GRIK2: variants seen among roughly 807,000 people sequenced by gnomAD.
GRIK2 encodes the protein glutamate ionotropic receptor kainate type subunit 2.
Under a neutral mutation model 100.3 loss-of-function variants are expected in GRIK2, and 32 were observed. The ratio of observed to expected loss-of-function variants is 0.32; its 90% CI spans 0.24 to 0.43. GRIK2 has a LOEUF of 0.43. GRIK2 is among the 20% of genes least tolerant of loss of function. The pLI, the probability that GRIK2 is intolerant of heterozygous loss-of-function variation, is 1.00. For synonymous variants in GRIK2, 417 were observed against 389.4 expected, an observed-to-expected ratio of 1.07 and a Z score of -0.83; for missense variants, 843 against 1,114.9, an observed-to-expected ratio of 0.76 and a Z score of 3.47.
chr6:101,674,345 A>G (rs1451839739), intron 4 of GRIK2, among the ~76,000 whole-genome samples: 1 of 152,174 alleles, frequency 6.6e-6, no homozygotes, highest in African/African-American at 2.4e-5. Context: ...TTACTGCCAC[A>G]CCTTTCAAAG....
chr6:101,493,335 G>T (rs1473091689), intron 2 of GRIK2, among the ~76,000 whole-genome samples: 1 of 151,880 alleles, frequency 6.6e-6, no homozygotes, highest in Non-Finnish European at 1.5e-5. Context: ...GTATCAAGAA[G>T]TGACAAAAAA....
At chr6:101,423,601 G>C (rs777064886) in intron 2 of GRIK2, among the ~76,000 whole-genome samples, 1 of 152,048 alleles carries the variant, frequency 6.6e-6, no homozygotes, top group Non-Finnish European at 1.5e-5. Flanking sequence ...ATCTTCTTTG[G>C]TGAAATGTCT....
intron 12 of GRIK2, among the ~76,000 whole-genome samples, chr6:101,909,683 T>C (rs1407221177): frequency 6.6e-5 from 3 of 45,458 alleles, no homozygotes; most frequent in East Asian, 1.2e-3. Flanking sequence ...GTTCATTGCC[T>C]TTTTGAAAAA....
intron 14 of GRIK2, among the ~76,000 whole-genome samples, chr6:102,031,374 C>T (rs1769990863): frequency 6.6e-6 from 1 of 151,162 alleles, no homozygotes; most frequent in Non-Finnish European, 1.5e-5. Flanking sequence ...ATTTATGAAA[C>T]CTGGACCCTG....
At chr6:102,029,756 C>T (rs1562123456) in intron 14 of GRIK2, among the ~76,000 whole-genome samples, 1 of 151,002 alleles carries the variant, frequency 6.6e-6, no homozygotes, top group African/African-American at 2.4e-5. Context: ...AGGAACATTG[C>T]CTTATTTTTT....
intron 7 of GRIK2, among the ~76,000 whole-genome samples, chr6:101,793,355 T>C (rs1780032689): frequency 6.6e-6 from 1 of 152,184 alleles, no homozygotes; most frequent in Non-Finnish European, 1.5e-5. Flanking sequence ...ACTTTTGGTC[T>C]TTGATGATGG....
At chr6:101,536,529 C>A (rs1775702068) in intron 2 of GRIK2, among the ~76,000 whole-genome samples, 2 of 151,498 alleles carry the variant, frequency 1.3e-5, no homozygotes, top group African/African-American at 4.8e-5. Flanking sequence ...TTATAATTAT[C>A]TTATTGCTAT....
chr6:101,958,615 A>G (rs1792095686), intron 14 of GRIK2, among the ~76,000 whole-genome samples: 2 of 152,086 alleles, frequency 1.3e-5, no homozygotes, highest in African/African-American at 4.8e-5. Flanking sequence ...GTTTTTAAAG[A>G]GAATGTTTTC....
At chr6:101,828,513 T>C (rs1782477826) in intron 10 of GRIK2, among the ~76,000 whole-genome samples, 1 of 151,856 alleles carries the variant, frequency 6.6e-6, no homozygotes, top group Non-Finnish European at 1.5e-5. Flanking sequence ...ACAACATTGA[T>C]ATACTGCTAG....
At chr6:101,677,740 G>A (rs935048767) in intron 5 of GRIK2, among the ~76,000 whole-genome samples, 1 of 151,990 alleles carries the variant, frequency 6.6e-6, no homozygotes, top group African/African-American at 2.4e-5. Context: ...CTCATGTATA[G>A]GACAAAATAT....
At chr6:101,421,555 A>G (rs1176411405) in intron 2 of GRIK2, among the ~76,000 whole-genome samples, 1 of 152,180 alleles carries the variant, frequency 6.6e-6, no homozygotes, top group East Asian at 1.9e-4. Flanking sequence ...ATTTACTAAG[A>G]CAGTTTTCAG....
chr6:101,814,550 G>A (rs1423570304), intron 9 of GRIK2, among the ~76,000 whole-genome samples: 4 of 151,954 alleles, frequency 2.6e-5, no homozygotes, highest in Non-Finnish European at 5.9e-5. Context: ...AAGCTAAATT[G>A]TTATACAGTT....
intron 14 of GRIK2, among the ~76,000 whole-genome samples, chr6:101,961,950 G>A (rs989589073): frequency 2.5e-4 from 38 of 152,130 alleles, no homozygotes; most frequent in African/African-American, 8.9e-4. Flanking sequence ...CTTGGGTCTT[G>A]AGAGTGGAGG....
At chr6:101,900,511 G>T (rs79168352) in intron 12 of GRIK2, among the ~76,000 whole-genome samples, 14,500 of 152,130 alleles carry the variant, frequency 0.095, 853 homozygotes, top group Middle Eastern at 0.2. Flanking sequence ...GAAAACAAAA[G>T]TAATACATGA....
intron 2 of GRIK2, among the ~76,000 whole-genome samples, chr6:101,478,384 A>G (rs1772355299): frequency 6.6e-6 from 1 of 152,070 alleles, no homozygotes; most frequent in African/African-American, 2.4e-5. Context: ...ATCATAATTA[A>G]TGACAACTAG....
chr6:101,596,144 T>C (rs775908653), intron 2 of GRIK2, among the ~76,000 whole-genome samples: 2 of 151,138 alleles, frequency 1.3e-5, no homozygotes, highest in Non-Finnish European at 3.0e-5. Context: ...CTTTGGGTTA[T>C]CATGCCACCA....
At chr6:101,792,983 C>T (rs1779997021) in intron 7 of GRIK2, among the ~76,000 whole-genome samples, 1 of 152,126 alleles carries the variant, frequency 6.6e-6, no homozygotes, top group Admixed American at 6.5e-5. Context: ...GATACCCTTT[C>T]TTCCAGTTGA....
intron 2 of GRIK2, among the ~76,000 whole-genome samples, chr6:101,401,444 TA>T (rs1189479594): frequency 6.6e-6 from 1 of 152,074 alleles, no homozygotes; most frequent in Non-Finnish European, 1.5e-5. Flanking sequence ...CAATGCTTAC[TA>T]AAAATGTCTT....
chr6:101,451,397 G>A (rs1770671586), intron 2 of GRIK2, among the ~76,000 whole-genome samples: 1 of 151,538 alleles, frequency 6.6e-6, no homozygotes, highest in Admixed American at 6.6e-5. Flanking sequence ...GAAGACAGGG[G>A]CCGTATGGTT....
Sources: allele counts gnomAD v4.1 joint callset (sites outside exome capture counted in the v4.1 genomes callset), GRCh38; gene constraint gnomAD v4.1.1; transcripts MANE v1.5; gene names NCBI Gene and HGNC (gene_info 2026-07-23, HGNC 2026-07-21).